PTGES3: variants seen among roughly 807,000 people sequenced by gnomAD.
The protein encoded by PTGES3 is Hsp90 co-chaperone.
PTGES3 carries 5 observed loss-of-function variants against 29.9 expected under a neutral mutation model. That is an observed-to-expected ratio of 0.17 (90% CI 0.09 to 0.35). The LOEUF is 0.35. Ranked by LOEUF, PTGES3 falls within the 10% of genes least tolerant of loss-of-function variation. The probability of loss-of-function intolerance (pLI) is 1.00; values close to 1 mark genes in which losing one functional copy is unlikely to be tolerated. For synonymous variants in PTGES3, 49 were observed against 57.8 expected (o/e 0.85, Z 0.69); for missense variants, 128 against 190.0 (o/e 0.67, Z 1.92).
intron 1 of PTGES3, among the ~76,000 whole-genome samples, chr12:56,680,781 G>GT (rs11302495): frequency 5.6e-4 from 79 of 141,866 alleles, no homozygotes; most frequent in South Asian, 4.2e-3. Context: ...TTTTTTAAAA[G>GT]TTTTTTTTTT....
At chr12:56,666,054 A>G in intron 6 of PTGES3, 150 bp downstream of exon 6, 1 of 1,399,974 alleles carries the variant, frequency 7.1e-7, no homozygotes, top group Non-Finnish European at 9.3e-7. Context: ...TTCGTCAAAA[A>G]TGGGCACATT....
chr12:56,677,392 G>A (rs1383452898), intron 1 of PTGES3, among the ~76,000 whole-genome samples: 7 of 152,128 alleles, frequency 4.6e-5, no homozygotes. Context: ...AGTGCCCTTG[G>A]TGTCTGAGGA....
chr12:56,678,764 G>A (rs1318060163), intron 1 of PTGES3, among the ~76,000 whole-genome samples: 1 of 152,178 alleles, frequency 6.6e-6, no homozygotes, highest in Non-Finnish European at 1.5e-5. Flanking sequence ...TATGCAAAAT[G>A]TAATTGCTTG....
At chr12:56,680,869 G>A (rs1490116683) in intron 1 of PTGES3, among the ~76,000 whole-genome samples, 3 of 150,356 alleles carry the variant, frequency 2.0e-5, no homozygotes, top group Non-Finnish European at 3.0e-5. Context: ...CCTTGACTTC[G>A]CAGGCTCAGG....
Position 56,663,629 on chromosome 12 carries a change from AG to A in PTGES3, c.*849del, listed in dbSNP as rs1951685721. 2 of 152,796 alleles carry A rather than the reference AG, an allele frequency of 1.3e-5. No homozygotes were observed. The highest frequency in any genetic ancestry group is 4.1e-4 in the South Asian group (2 of 4,830). 9.5% of individuals were successfully genotyped at this position (152,796 alleles called of 1,614,324 possible). On this transcript the variant is annotated 3_prime_UTR_variant, in exon 8 of 8. Transcript: ENST00000262033. ...TCCAACAGTTTATTAGAAAGAATGT[AG>A]ACATTTAAAAAAATCCCCACTGTCA...
At chr12:56,669,932 G>T (rs975606220) in intron 5 of PTGES3, among the ~76,000 whole-genome samples, 1 of 139,670 alleles carries the variant, frequency 7.2e-6, no homozygotes, top group African/African-American at 2.7e-5. Flanking sequence ...CTTATTTTAT[G>T]ACTTCAAAAT....
At chr12:56,675,300 A>AAAAAAG (rs763557082) in intron 1 of PTGES3, among the ~76,000 whole-genome samples, 90 of 151,900 alleles carry the variant, frequency 5.9e-4, no homozygotes, top group Non-Finnish European at 8.1e-4. Flanking sequence ...ACTCTGTCTC[A>AAAAAAG]AAAAAGAAAA....
At chr12:56,678,751 G>A (rs1030972157) in intron 1 of PTGES3, among the ~76,000 whole-genome samples, 9 of 152,160 alleles carry the variant, frequency 5.9e-5, no homozygotes, top group African/African-American at 1.9e-4. Context: ...GAGGATTTTA[G>A]GTTATGCAAA....
chr12:56,682,235 C>G (rs944310777), intron 1 of PTGES3, among the ~76,000 whole-genome samples: 2 of 152,202 alleles, frequency 1.3e-5, no homozygotes, highest in East Asian at 3.9e-4. Flanking sequence ...TATTCAGCTT[C>G]AGAATACAAA....
chr12:56,681,433 G>A (rs2137698791), intron 1 of PTGES3, among the ~76,000 whole-genome samples: 1 of 150,578 alleles, frequency 6.6e-6, no homozygotes, highest in East Asian at 2.0e-4. Flanking sequence ...AGCTACTCGG[G>A]AGGCTGAGGC....
At chr12:56,680,939 CCAG>C (rs1952506374) in intron 1 of PTGES3, among the ~76,000 whole-genome samples, 1 of 151,558 alleles carries the variant, frequency 6.6e-6, no homozygotes, top group South Asian at 2.1e-4. Flanking sequence ...TACCACACAC[CCAG>C]GTTATTTTTT....
chr12:56,675,309 A>G (rs968942473), intron 1 of PTGES3, among the ~76,000 whole-genome samples: 6 of 152,008 alleles, frequency 3.9e-5, no homozygotes, highest in African/African-American at 1.4e-4. Flanking sequence ...CAAAAAAGAA[A>G]AAGAAAAAGA....
intron 6 of PTGES3, chr12:56,665,929 CTG>C (rs1349476668): frequency 9.4e-7 from 1 of 1,068,316 alleles, no homozygotes. Context: ...CCTAAACTGA[CTG>C]TTATAATTGA....
At chr12:56,679,493 T>C (rs187841083) in intron 1 of PTGES3, among the ~76,000 whole-genome samples, 229 of 151,198 alleles carry the variant, frequency 1.5e-3, no homozygotes, top group African/African-American at 5.0e-3. Context: ...ATTTACATAA[T>C]GTATGCAGAG....
At chr12:56,678,981 T>C (rs1300102897) in intron 1 of PTGES3, among the ~76,000 whole-genome samples, 1 of 151,954 alleles carries the variant, frequency 6.6e-6, no homozygotes, top group African/African-American at 2.4e-5. Flanking sequence ...CTGGCCATGG[T>C]GACACATGCT....
At chr12:56,665,728 G>A (rs1286107655) in intron 6 of PTGES3, 6 of 829,394 alleles carry the variant, frequency 7.2e-6, no homozygotes, top group Non-Finnish European at 7.3e-6. Context: ...TGCAACCTCC[G>A]CCTCCCAGGT....
chr12:56,669,453 T>C (rs1951915232), intron 5 of PTGES3, among the ~76,000 whole-genome samples: 1 of 152,132 alleles, frequency 6.6e-6, no homozygotes, highest in Non-Finnish European at 1.5e-5. Flanking sequence ...CCGGCTAATT[T>C]TTGTATTTTA....
chr12:56,680,302 C>T (rs776155114), intron 1 of PTGES3, among the ~76,000 whole-genome samples: 2 of 151,574 alleles, frequency 1.3e-5, no homozygotes, highest in South Asian at 2.1e-4. Context: ...GTCTCGAACT[C>T]GGCCTCAAGT....
chr12:56,679,388 AAC>A (rs1270554345), intron 1 of PTGES3, among the ~76,000 whole-genome samples: 3 of 147,530 alleles, frequency 2.0e-5, no homozygotes, highest in African/African-American at 7.6e-5. Context: ...CAGCCTGGGC[AAC>A]AGAGTGAGAC....
Sources: allele counts gnomAD v4.1 joint callset (sites outside exome capture counted in the v4.1 genomes callset), GRCh38; gene constraint gnomAD v4.1.1; transcripts MANE v1.5; gene names NCBI Gene and HGNC (gene_info 2026-07-23, HGNC 2026-07-21).